The following PIK3C2G variants were observed in gnomAD, a reference collection of about 807,000 sequenced individuals.
PIK3C2G encodes the protein phosphatidylinositol 3-kinase C2 domain-containing subunit gamma.
PIK3C2G carries 168 observed loss-of-function variants against 181.1 expected under a neutral mutation model. The ratio of observed to expected loss-of-function variants is 0.93; its 90% CI spans 0.82 to 1.05. The LOEUF is 1.05. Ranked by LOEUF, PIK3C2G falls within the 50% of genes least tolerant of loss-of-function variation. PIK3C2G has a pLI of 0.00. For synonymous variants in PIK3C2G, 573 were observed against 592.2 expected, an observed-to-expected ratio of 0.97 and a Z score of 0.47; for missense variants, 1,869 against 1,732.8, an observed-to-expected ratio of 1.08 and a Z score of -1.40.
chr12:18,525,429 G>C (rs1162947242), intron 24 of PIK3C2G, among the ~76,000 whole-genome samples: 1 of 151,952 alleles, frequency 6.6e-6, no homozygotes, highest in Admixed American at 6.6e-5. Context: ...TTCATAAATT[G>C]AACTATTAGT....
chr12:18,508,093 G>A (rs11044150), intron 24 of PIK3C2G, among the ~76,000 whole-genome samples: 23,937 of 152,184 alleles, frequency 0.16, 2,364 homozygotes, highest in South Asian at 0.37. Context: ...TTGATAGGAT[G>A]AATGAAAATG....
chr12:18,430,543 A>G (rs1293127778), intron 18 of PIK3C2G, among the ~76,000 whole-genome samples: 2 of 152,152 alleles, frequency 1.3e-5, no homozygotes, highest in African/African-American at 4.8e-5. Flanking sequence ...GACATTCAAT[A>G]ATTTACTATT....
chr12:18,427,326 T>C (rs559443907), intron 18 of PIK3C2G, among the ~76,000 whole-genome samples: 2 of 151,284 alleles, frequency 1.3e-5, no homozygotes, highest in African/African-American at 4.8e-5. Context: ...GCCAACACGG[T>C]GAAACCCCCA....
the PIK3C2G span, among the ~76,000 whole-genome samples, chr12:18,684,978 C>G: frequency 6.6e-6 from 1 of 152,008 alleles, no homozygotes; most frequent in African/African-American, 2.4e-5. Context: ...CCTTCACCTT[C>G]CACCATGATT....
At chr12:18,503,507 T>C in intron 23 of PIK3C2G, 90 bp downstream of exon 23, 1 of 896,402 alleles carries the variant, frequency 1.1e-6, no homozygotes. Flanking sequence ...GAAAAGTAAA[T>C]TAAGTGCACT....
intron 16 of PIK3C2G, among the ~76,000 whole-genome samples, chr12:18,410,995 C>A (rs1944839127): frequency 6.6e-6 from 1 of 152,092 alleles, no homozygotes; most frequent in African/African-American, 2.4e-5. Context: ...TTTCTATATG[C>A]AAGTCCATAT....
At chr12:18,435,628 C>A (rs1946402063) in intron 18 of PIK3C2G, among the ~76,000 whole-genome samples, 2 of 152,012 alleles carry the variant, frequency 1.3e-5, no homozygotes, top group South Asian at 4.1e-4. Flanking sequence ...TCCACTCTGC[C>A]TATCTCCCAC....
At chr12:18,423,810 A>C in intron 17 of PIK3C2G, 135 bp from the exon 18 acceptor site, 1 of 623,188 alleles carries the variant, frequency 1.6e-6, no homozygotes, top group Non-Finnish European at 2.9e-6. Flanking sequence ...TCATAAAATC[A>C]TCGAATGTGT....
chr12:18,411,289 T>G (rs1261309050), intron 16 of PIK3C2G, among the ~76,000 whole-genome samples: 1 of 152,156 alleles, frequency 6.6e-6, no homozygotes, highest in Non-Finnish European at 1.5e-5. Context: ...GCCTAGTGTT[T>G]TGGATATCTG....
intron 13 of PIK3C2G, among the ~76,000 whole-genome samples, chr12:18,376,031 A>G (rs1043956721): frequency 3.9e-5 from 6 of 152,248 alleles, no homozygotes; most frequent in Admixed American, 2.6e-4. Flanking sequence ...AGCCTGCTAC[A>G]GGGGCAGATC....
At chr12:18,328,624 C>G (rs1263541661) in intron 8 of PIK3C2G, among the ~76,000 whole-genome samples, 1 of 151,810 alleles carries the variant, frequency 6.6e-6, no homozygotes, top group East Asian at 1.9e-4. Context: ...TTGTATTCGA[C>G]CTTCCTCAGA....
intron 18 of PIK3C2G, among the ~76,000 whole-genome samples, chr12:18,467,189 G>T (rs895763567): frequency 2.8e-4 from 43 of 152,068 alleles, no homozygotes; most frequent in African/African-American, 1.0e-3. Context: ...AATCAAACAA[G>T]TTAGAACTAT....
At chr12:18,279,018 T>G (rs1416793272) in intron 1 of PIK3C2G, among the ~76,000 whole-genome samples, 1 of 151,956 alleles carries the variant, frequency 6.6e-6, no homozygotes, top group Non-Finnish European at 1.5e-5. Context: ...GAGAAGTACT[T>G]GAAAAAAATA....
At chr12:18,629,872 T>C (rs780293052) in intron 31 of PIK3C2G, among the ~76,000 whole-genome samples, 10 of 152,172 alleles carry the variant, frequency 6.6e-5, no homozygotes, top group African/African-American at 1.4e-4. Context: ...CAATAAGAAA[T>C]ATTGCAATAG....
intron 31 of PIK3C2G, among the ~76,000 whole-genome samples, chr12:18,619,368 A>G (rs1948743593): frequency 6.6e-6 from 1 of 152,122 alleles, no homozygotes; most frequent in South Asian, 2.1e-4. Context: ...AAAAAAACAC[A>G]AAGAATTTGC....
intron 30 of PIK3C2G, among the ~76,000 whole-genome samples, chr12:18,599,225 A>G (rs1292907930): frequency 6.6e-6 from 1 of 152,212 alleles, no homozygotes; most frequent in East Asian, 1.9e-4. Context: ...ATTATTCACA[A>G]TAGCAAAGAC....
At chr12:18,572,221 T>C (rs998267711) in intron 29 of PIK3C2G, among the ~76,000 whole-genome samples, 1 of 150,072 alleles carries the variant, frequency 6.7e-6, no homozygotes, top group Non-Finnish European at 1.5e-5. Context: ...TATAATCAAC[T>C]TTTTTTAGTC....
intron 14 of PIK3C2G, among the ~76,000 whole-genome samples, chr12:18,384,003 T>G (rs1267105821): frequency 6.9e-6 from 1 of 145,634 alleles, no homozygotes; most frequent in East Asian, 2.0e-4. Flanking sequence ...TTTTTTTTTG[T>G]AGAGATGGGA....
rs190284536 is a variant in PIK3C2G at position 18,417,768 on chromosome 12, G to A, written c.2316-3173G>A. Among the ~76,000 whole-genome samples, 5 of 151,104 alleles carry A rather than the reference G, an allele frequency of 3.3e-5. No individual in the cohort carries two copies. In the East Asian group the frequency reaches 7.8e-4, roughly 23 times the overall value. ...ACATTAAAAAAAACAAAAAAAAAAT[G>A]TGCGACTGGCTTTATTGTGATATTT... On this transcript the variant is annotated intron_variant, in intron 16 of 32. Coordinates refer to ENST00000538779, the MANE Select transcript of PIK3C2G (RefSeq NM_001288772.2).
Sources: gnomAD v4.1 joint callset for allele counts (sites outside exome capture counted in the v4.1 genomes callset) on GRCh38, gnomAD v4.1.1 for gene constraint, MANE v1.5 for transcripts, NCBI Gene and HGNC (gene_info 2026-07-23, HGNC 2026-07-21) for gene names.